ZNF423: variants seen among roughly 807,000 people sequenced by gnomAD.
ZNF423 encodes the protein zinc finger protein 423.
Under a neutral mutation model 95.8 loss-of-function variants are expected in ZNF423, and 12 were observed. That is an observed-to-expected ratio of 0.13 (90% CI 0.08 to 0.20). The LOEUF is 0.20. ZNF423 is among the 10% of genes least tolerant of loss of function. ZNF423 has a pLI of 1.00. For missense variants in ZNF423, 1,316 were observed against 1,737.1 expected, an observed-to-expected ratio of 0.76 and a Z score of 4.31; for synonymous variants, 749 against 711.9, an observed-to-expected ratio of 1.05 and a Z score of -0.83.
intron 1 of ZNF423, among the ~76,000 whole-genome samples, chr16:49,837,313 C>A (rs886445586): frequency 6.6e-6 from 1 of 152,122 alleles, no homozygotes; most frequent in African/African-American, 2.4e-5. Flanking sequence ...AGGCTGTGTG[C>A]GTCTCTGAAA....
intron 1 of ZNF423, among the ~76,000 whole-genome samples, chr16:49,807,852 GC>G (rs2034689592): frequency 6.6e-6 from 1 of 152,138 alleles, no homozygotes; most frequent in Non-Finnish European, 1.5e-5. Context: ...CAGCAACTCA[GC>G]CTCTCCACTG....
At chr16:49,607,648 G>T (rs957764235) in intron 5 of ZNF423, among the ~76,000 whole-genome samples, 1 of 152,182 alleles carries the variant, frequency 6.6e-6, no homozygotes, top group African/African-American at 2.4e-5. Flanking sequence ...ATCTTAATAG[G>T]CCCATAATTA....
At chr16:49,651,027 T>C (rs1048342461) in intron 3 of ZNF423, among the ~76,000 whole-genome samples, 1 of 151,940 alleles carries the variant, frequency 6.6e-6, no homozygotes, top group Admixed American at 6.6e-5. Flanking sequence ...TTTTTTTTTT[T>C]CTTTTTTCTT....
In ZNF423 at chr16:49,715,285, C is replaced by T. The variant is rs73573320; in HGVS notation, c.301+15486G>A. On this transcript the variant is annotated intron_variant, in intron 3 of 7. Coordinates refer to ENST00000563137, the MANE Select transcript of ZNF423 (RefSeq NM_001379286.1). Reference sequence around the variant, plus strand: ...TGAAGGGAGCCGCTGCTGCAGGAGACGGGGGAGGGTGTCAGCAAGGAGGGC... The same window carrying T: ...TGAAGGGAGCCGCTGCTGCAGGAGATGGGGGAGGGTGTCAGCAAGGAGGGC... 9.8e-3 allele frequency among the ~76,000 whole-genome samples: 1,486 copies of T among 152,232 alleles called. 33 individuals are homozygous for T. Among genetic ancestry groups the T allele is most frequent in the African/African-American group, 0.034 (1,402 of 41,542 alleles).
At chr16:49,840,717 A>T (rs1236682876) in intron 1 of ZNF423, among the ~76,000 whole-genome samples, 2 of 151,956 alleles carry the variant, frequency 1.3e-5, no homozygotes, top group Non-Finnish European at 2.9e-5. Context: ...ATGCATCCAC[A>T]TGCACACACT....
chr16:49,854,267 C>A, intron 1 of ZNF423: 4 of 985,370 alleles, frequency 4.1e-6, no homozygotes, highest in Non-Finnish European at 4.8e-6. Context: ...ACGGGCCGGG[C>A]GCTCCGTTTG....
At chr16:49,829,227 C>T (rs2035037582) in intron 1 of ZNF423, among the ~76,000 whole-genome samples, 1 of 152,204 alleles carries the variant, frequency 6.6e-6, no homozygotes. Context: ...AACTGGCTCC[C>T]AGATCAGCCT....
intron 5 of ZNF423, among the ~76,000 whole-genome samples, chr16:49,586,786 A>G (rs1970853829): frequency 1.3e-5 from 2 of 152,168 alleles, no homozygotes; most frequent in African/African-American, 4.8e-5. Flanking sequence ...ACTCCGAACC[A>G]GGGAGAACCG....
rs189790523 is a variant in ZNF423 at position 49,514,400 on chromosome 16, G to A, written c.3849+9224C>T. Among the ~76,000 whole-genome samples the A allele has an allele frequency of 3.1e-4, 47 of 152,150 alleles. 1 individual carries two copies. The highest frequency in any genetic ancestry group is 1.1e-3 in the African/African-American group (47 of 41,456). Reference sequence around the variant, plus strand: ...ATGAGAATAGAAACCCTGTCTCCTTGTTCCCAGTTCTGTCTCAGGCTCCTG... The same window carrying A: ...ATGAGAATAGAAACCCTGTCTCCTTATTCCCAGTTCTGTCTCAGGCTCCTG... On this transcript the variant is annotated intron_variant, in intron 7 of 7. Transcript: ENST00000563137.
chr16:49,689,497 G>A (rs192567862), intron 3 of ZNF423, among the ~76,000 whole-genome samples: 101 of 152,196 alleles, frequency 6.6e-4, no homozygotes, highest in Non-Finnish European at 1.0e-3. Flanking sequence ...GCAAAGATAT[G>A]CTGCTTTCCT....
intron 5 of ZNF423, among the ~76,000 whole-genome samples, chr16:49,594,058 C>T (rs1392144690): frequency 6.6e-6 from 1 of 152,116 alleles, no homozygotes; most frequent in African/African-American, 2.4e-5. Flanking sequence ...CAGTGCAAAG[C>T]GAGTCCTTGA....
intron 1 of ZNF423, among the ~76,000 whole-genome samples, chr16:49,800,361 A>G (rs1311847467): frequency 6.6e-6 from 1 of 152,108 alleles, no homozygotes; most frequent in Non-Finnish European, 1.5e-5. Context: ...TCTAAGTACT[A>G]GGAAAAGGGT....
chr16:49,604,134 G>A (rs1971461235), intron 5 of ZNF423, among the ~76,000 whole-genome samples: 1 of 152,214 alleles, frequency 6.6e-6, no homozygotes, highest in Non-Finnish European at 1.5e-5. Flanking sequence ...CAAGCAGGCG[G>A]CAAACAGGGT....
chr16:49,696,860 T>C (rs1333874560), intron 3 of ZNF423, among the ~76,000 whole-genome samples: 1 of 152,134 alleles, frequency 6.6e-6, no homozygotes, highest in Non-Finnish European at 1.5e-5. Flanking sequence ...GCCCCCTGTC[T>C]CCTCTCCAGG....
intron 1 of ZNF423, among the ~76,000 whole-genome samples, chr16:49,790,311 T>C (rs10852603): frequency 0.34 from 51,325 of 152,190 alleles, 8,697 homozygotes; most frequent in Middle Eastern, 0.42. Flanking sequence ...GAAGCCACCA[T>C]GAACCACCCA....
intron 7 of ZNF423, among the ~76,000 whole-genome samples, chr16:49,511,991 T>C (rs1336248013): frequency 1.3e-5 from 2 of 152,212 alleles, no homozygotes; most frequent in African/African-American, 4.8e-5. Flanking sequence ...TTGTATTTAG[T>C]ATGTAGTATG....
intron 2 of ZNF423, among the ~76,000 whole-genome samples, chr16:49,732,436 G>T (rs2033191112): frequency 6.6e-6 from 1 of 152,194 alleles, no homozygotes; most frequent in African/African-American, 2.4e-5. Context: ...TCTTCCCACA[G>T]CCTGTCCTGG....
At chr16:49,626,738 TCCAC>T (rs1426760100) in intron 4 of ZNF423, among the ~76,000 whole-genome samples, 1 of 148,376 alleles carries the variant, frequency 6.7e-6, no homozygotes, top group Non-Finnish European at 1.5e-5. Context: ...TACCCATCCA[TCCAC>T]CTACATACAC....
At chr16:49,777,979 C>A (rs1481882360) in intron 2 of ZNF423, among the ~76,000 whole-genome samples, 2 of 152,136 alleles carry the variant, frequency 1.3e-5, no homozygotes, top group African/African-American at 4.8e-5. Context: ...AGGCATTTAG[C>A]CTTGATAAGT....
Sources: allele counts gnomAD v4.1 joint callset (sites outside exome capture counted in the v4.1 genomes callset), GRCh38; gene constraint gnomAD v4.1.1; transcripts MANE v1.5; gene names NCBI Gene and HGNC (gene_info 2026-07-23, HGNC 2026-07-21).